The following MYO1E variants were observed in gnomAD, a reference collection of about 807,000 sequenced individuals.
MYO1E encodes the protein myosin IE, also known as unconventional myosin-Ie.
A neutral mutation model predicts 151.1 loss-of-function variants in MYO1E; 68 were observed. The ratio of observed to expected loss-of-function variants is 0.45; its 90% CI spans 0.37 to 0.55. The LOEUF (loss-of-function observed/expected upper bound fraction) is 0.55, where lower values mean the gene tolerates loss of function less well. Ranked by LOEUF, MYO1E falls within the 20% of genes least tolerant of loss-of-function variation. The pLI is 0.00. For missense variants in MYO1E, 1,363 were observed against 1,389.3 expected, an observed-to-expected ratio of 0.98 and a Z score of 0.30; for synonymous variants, 601 against 501.7, an observed-to-expected ratio of 1.20 and a Z score of -2.64.
chr15:59,153,553 G>C (rs1259994845), intron 26 of MYO1E, 37 bp downstream of exon 26: 2 of 1,599,008 alleles, frequency 1.3e-6, no homozygotes, highest in Non-Finnish European at 1.7e-6. Context: ...TGGAGATGGA[G>C]CTTGCCGGCT....
intron 1 of MYO1E, among the ~76,000 whole-genome samples, chr15:59,308,169 G>A (rs574203812): frequency 3.2e-4 from 42 of 131,400 alleles, no homozygotes; most frequent in African/African-American, 1.0e-3. Flanking sequence ...GTTGCAGTAA[G>A]CCAAGATCAT....
In MYO1E at chr15:59,350,430, T is replaced by C. The variant is rs1485274697; in HGVS notation, c.3+22068A>G. 2.6e-5 allele frequency among the ~76,000 whole-genome samples: 4 copies of C among 152,162 alleles called. No individual in the cohort carries two copies. The highest frequency in any genetic ancestry group is 5.9e-5 in the Non-Finnish European group (4 of 68,030). ...GAGAAGGAAAAGAATGTAGATGAAA[T>C]TGAAAAGGATAAAGGGTACAGCCTC... On this transcript the variant is annotated intron_variant, in intron 1 of 27. Transcript: ENST00000288235. The surrounding 1 kb of genome is among the most constrained non-coding windows in gnomAD (Gnocchi z 5.0).
At chr15:59,289,321 C>A (rs1444102408) in intron 1 of MYO1E, among the ~76,000 whole-genome samples, 2 of 152,172 alleles carry the variant, frequency 1.3e-5, no homozygotes, top group Non-Finnish European at 2.9e-5. Flanking sequence ...ATTTGAATTT[C>A]TCAAATAATA....
At chr15:59,304,745 G>T (rs1004226406) in intron 1 of MYO1E, among the ~76,000 whole-genome samples, 3 of 152,136 alleles carry the variant, frequency 2.0e-5, no homozygotes, top group Non-Finnish European at 4.4e-5. Context: ...CAGATCAAGC[G>T]GGACCTAAGA....
intron 7 of MYO1E, among the ~76,000 whole-genome samples, chr15:59,227,226 A>T (rs2079997527): frequency 6.6e-6 from 1 of 152,210 alleles, no homozygotes; most frequent in African/African-American, 2.4e-5. Context: ...TTGAAGTTAC[A>T]TCAATACTTT....
chr15:59,352,120 A>G (rs1349921274), intron 1 of MYO1E, among the ~76,000 whole-genome samples: 1 of 152,224 alleles, frequency 6.6e-6, no homozygotes, highest in Non-Finnish European at 1.5e-5. Context: ...TGTCGGCAAC[A>G]GCCTATTCTG....
chr15:59,180,666 T>C (rs1366071158), intron 18 of MYO1E, among the ~76,000 whole-genome samples: 2 of 152,048 alleles, frequency 1.3e-5, no homozygotes, highest in African/African-American at 4.8e-5. Flanking sequence ...TTTGCTTCCA[T>C]GAAGCCTGAT....
chr15:59,148,830 A>G (rs1322722835), intron 26 of MYO1E, among the ~76,000 whole-genome samples: 1 of 152,146 alleles, frequency 6.6e-6, no homozygotes, highest in African/African-American at 2.4e-5. Context: ...TTCTAGTTGG[A>G]TTAATCTCTG....
intron 4 of MYO1E, among the ~76,000 whole-genome samples, chr15:59,248,486 CA>C (rs71119447): frequency 1.8e-3 from 102 of 57,040 alleles, no homozygotes; most frequent in East Asian, 5.4e-3. Flanking sequence ...GACTCCATCT[CA>C]AAAAAAAAAA....
At chr15:59,351,965 C>G (rs140557377) in intron 1 of MYO1E, among the ~76,000 whole-genome samples, 1 of 152,212 alleles carries the variant, frequency 6.6e-6, no homozygotes, top group Admixed American at 6.5e-5. Flanking sequence ...CTCTTTCTTC[C>G]TCTCTGGCCT....
chr15:59,236,369 T>TAC lies in MYO1E; in HGVS notation c.420+214_420+215dup, dbSNP rs56164138. Among the ~76,000 whole-genome samples the TAC allele has an allele frequency of 1.7e-3, 198 of 117,664 alleles. 4 individuals are homozygous for TAC. Among genetic ancestry groups the TAC allele is most frequent in the Non-Finnish European group, 2.3e-3 (131 of 57,766 alleles). The allele number at this position is 117,664 out of a possible 152,430, so 77.2% of individuals were successfully genotyped here. On this transcript the variant is annotated intron_variant, in intron 5 of 27. Transcript: ENST00000288235. Reference sequence around the variant, plus strand: ...TCAAAAAAGAAAAAAAAAAAATATATACACACACACACACACACACACACA... The same window carrying TAC: ...TCAAAAAAGAAAAAAAAAAAATATATACACACACACACACACACACACACACA...
chr15:59,161,818 A>G (rs913125547), intron 23 of MYO1E, among the ~76,000 whole-genome samples: 7 of 152,230 alleles, frequency 4.6e-5, no homozygotes, highest in African/African-American at 1.7e-4. Flanking sequence ...TAATGCTTCT[A>G]TATTGCATAT....
At chr15:59,298,294 C>T (rs984350341) in intron 1 of MYO1E, among the ~76,000 whole-genome samples, 3 of 152,148 alleles carry the variant, frequency 2.0e-5, no homozygotes, top group African/African-American at 7.2e-5. Flanking sequence ...CAGTCAAGGG[C>T]CATGGAGTAT....
rs760137547 is a variant in MYO1E at position 59,137,331 on chromosome 15, G to A, written c.*49C>T. 5 of 1,522,420 alleles carry A rather than the reference G, an allele frequency of 3.3e-6. No individual in the cohort carries two copies. The highest frequency in any genetic ancestry group is 4.6e-6 in the Non-Finnish European group (5 of 1,096,804). The allele number at this position is 1,522,420 out of a possible 1,614,324, so 94.3% of individuals were successfully genotyped here. Reference sequence around the variant, plus strand: ...GGAGCCCCTAAATATCCCCTCCCCTGGTCTGTGCCTGGAGCTCCTCTGCCC... The same window carrying A: ...GGAGCCCCTAAATATCCCCTCCCCTAGTCTGTGCCTGGAGCTCCTCTGCCC... On this transcript the variant is annotated 3_prime_UTR_variant, in exon 28 of 28. Transcript: ENST00000288235.
intron 1 of MYO1E, among the ~76,000 whole-genome samples, chr15:59,286,255 C>A (rs373413072): frequency 6.6e-6 from 1 of 152,180 alleles, no homozygotes; most frequent in South Asian, 2.1e-4. Flanking sequence ...TTGCAAAATA[C>A]GCATTATTTA....
intron 18 of MYO1E, among the ~76,000 whole-genome samples, chr15:59,182,484 A>G (rs147083745): frequency 1.3e-5 from 2 of 152,284 alleles, no homozygotes; most frequent in Non-Finnish European, 2.9e-5. Context: ...AAGTGCTGCG[A>G]TTATAGGCAT....
intron 26 of MYO1E, among the ~76,000 whole-genome samples, chr15:59,150,110 T>A (rs1243789681): frequency 6.6e-6 from 1 of 152,244 alleles, no homozygotes; most frequent in East Asian, 1.9e-4. Flanking sequence ...CCCAAGGTAC[T>A]ATTTTGTAAG....
chr15:59,191,871 T>C (rs1396242011), intron 17 of MYO1E, among the ~76,000 whole-genome samples: 1 of 152,216 alleles, frequency 6.6e-6, no homozygotes, highest in East Asian at 1.9e-4. Context: ...TTTCCAAGAC[T>C]GTCCCTGGCC....
At chr15:59,165,773 C>T (rs2079559919) in intron 22 of MYO1E, among the ~76,000 whole-genome samples, 1 of 152,196 alleles carries the variant, frequency 6.6e-6, no homozygotes, top group African/African-American at 2.4e-5. Flanking sequence ...GCACCCTAGC[C>T]CAGGTGTAAG....
Sources: gnomAD v4.1 joint callset for allele counts (sites outside exome capture counted in the v4.1 genomes callset) on GRCh38, gnomAD v4.1.1 for gene constraint, Gnocchi (gnomAD v3.1) non-coding constraint, MANE v1.5 for transcripts, NCBI Gene and HGNC (gene_info 2026-07-23, HGNC 2026-07-21) for gene names.